The following CATSPERD variants were observed in gnomAD, a reference collection of about 807,000 sequenced individuals.
The protein encoded by CATSPERD is cation channel sperm-associated auxiliary subunit delta.
A neutral mutation model predicts 98.1 loss-of-function variants in CATSPERD; 86 were observed. The observed-to-expected ratio is 0.88, with a 90% CI of 0.74 to 1.05. The LOEUF is 1.05. CATSPERD is among the 50% of genes least tolerant of loss of function. The pLI is 0.00. For missense variants in CATSPERD, 995 were observed against 1,005.7 expected (o/e 0.99, Z 0.14); for synonymous variants, 394 against 390.2 (o/e 1.01, Z -0.12).
chr19:5,768,063 C>A (rs2056576368), intron 17 of CATSPERD, 105 bp from the exon 18 acceptor site: 1 of 958,914 alleles, frequency 1.0e-6, no homozygotes. Context: ...TCCCAAAGTG[C>A]TGGGCCTGAG....
chr19:5,727,134 G>A (rs549406839), intron 2 of CATSPERD, 134 bp from the exon 3 acceptor site: 1 of 601,994 alleles, frequency 1.7e-6, no homozygotes, highest in African/African-American at 1.9e-5. Context: ...GGCGGAGCTT[G>A]CAGTGAGCCA....
chr19:5,764,089 T>A (rs935896046), intron 16 of CATSPERD, among the ~76,000 whole-genome samples: 7 of 151,940 alleles, frequency 4.6e-5, no homozygotes, highest in Non-Finnish European at 8.8e-5. Context: ...CCTTAAGTGA[T>A]CTGCCCACCT....
chr19:5,751,932 G>T, intron 12 of CATSPERD, 109 bp downstream of exon 12: 1 of 1,049,048 alleles, frequency 9.5e-7, no homozygotes. Context: ...GGAGGCTGAG[G>T]CTGGAGGGTT....
chr19:5,770,030 A>G lies in CATSPERD; in HGVS notation c.1635-914A>G, dbSNP rs1029096880. Among the ~76,000 whole-genome samples, 44 of 150,788 alleles carry G rather than the reference A, an allele frequency of 2.9e-4. 1 individual carries two copies. Among genetic ancestry groups the G allele is most frequent in the East Asian group, 9.8e-4 (5 of 5,112 alleles). ...CTTCAACCCGGGAGGCGGAGGTTGC[A>G]GTGAGCTGAGATCACGCCACTGCAC... On this transcript the variant is annotated intron_variant, in intron 18 of 21. Coordinates refer to ENST00000381624, the MANE Select transcript of CATSPERD (RefSeq NM_152784.4).
intron 18 of CATSPERD, among the ~76,000 whole-genome samples, chr19:5,769,749 T>C (rs2056610313): frequency 6.6e-6 from 1 of 152,134 alleles, no homozygotes. Flanking sequence ...GTGGGCTGTA[T>C]TGCAAAATGC....
rs570882405 is a variant in CATSPERD, at chr19:5,744,709, T to A, written c.657+199T>A. ...TCCACCTTTCAACTTCAAGCAATTC[T>A]CCTGCCTCAGCCTCCCGAGTAGCTG... On this transcript the variant is annotated intron_variant, in intron 8 of 21. Transcript: ENST00000381624. Among the ~76,000 whole-genome samples the A allele has an allele frequency of 3.3e-5, 5 of 152,046 alleles. No homozygotes were observed. The South Asian group carries it at 1.0e-3, about 32-fold the overall frequency.
At position 5,763,273 on chromosome 19, in the gene CATSPERD, T is replaced by C; in HGVS notation, c.1486T>C (p.Cys496Arg). Reference sequence around the variant, plus strand: ...GGACATAGCAAACAAGGAAATTTCATGTGTGGATATCAAGCCACTGGTAGG... The same window carrying C: ...GGACATAGCAAACAAGGAAATTTCACGTGTGGATATCAAGCCACTGGTAGG... ...TVDIANKEIS[C>R]VDIKPLSTLI... Residue 496 changes from cysteine (C) to arginine (R), a missense_variant, in exon 16 of 22, where the codon TGT becomes CGT. Transcript: ENST00000381624. 1.2e-6 allele frequency: 2 copies of C among 1,614,002 alleles called. No homozygotes were observed. The highest frequency in any genetic ancestry group is 1.7e-6 in the Non-Finnish European group (2 of 1,179,922).
At chr19:5,762,167 G>A (rs535198845) in intron 15 of CATSPERD, among the ~76,000 whole-genome samples, 2 of 145,996 alleles carry the variant, frequency 1.4e-5, no homozygotes, top group South Asian at 2.2e-4. Context: ...GAGTTCAAGT[G>A]ATTCTTGTGT....
chr19:5,736,323 G>A (rs149402452), intron 5 of CATSPERD, among the ~76,000 whole-genome samples: 4 of 152,292 alleles, frequency 2.6e-5, no homozygotes, highest in Non-Finnish European at 5.9e-5. Flanking sequence ...TAGAGATACA[G>A]ATGCTAAAAA....
At chr19:5,721,915 G>A (rs2055489731) in intron 1 of CATSPERD, among the ~76,000 whole-genome samples, 1 of 151,690 alleles carries the variant, frequency 6.6e-6, no homozygotes, top group African/African-American at 2.4e-5. Context: ...CTTGAATTCA[G>A]GAGGTGGAGG....
chr19:5,733,494 C>T (rs1438041342), intron 4 of CATSPERD, among the ~76,000 whole-genome samples: 1 of 148,302 alleles, frequency 6.7e-6, no homozygotes, highest in Non-Finnish European at 1.5e-5. Flanking sequence ...CAGAGTTTTG[C>T]TCTTGTCACC....
chr19:5,728,759 C>T (rs1007444035), intron 3 of CATSPERD, among the ~76,000 whole-genome samples: 12 of 149,502 alleles, frequency 8.0e-5, no homozygotes, highest in South Asian at 2.1e-4. Flanking sequence ...AATGCAGTGG[C>T]GCAATCTCGG....
At chr19:5,743,667 C>CCT (rs1044844505) in intron 7 of CATSPERD, among the ~76,000 whole-genome samples, 1 of 129,168 alleles carries the variant, frequency 7.7e-6, no homozygotes, top group Non-Finnish European at 1.7e-5. Flanking sequence ...TCTCTCTCTT[C>CCT]CTCTCTCTCT....
At chr19:5,775,300 G>A (rs1599603463) in intron 20 of CATSPERD, 1 of 471,242 alleles carries the variant, frequency 2.1e-6, no homozygotes, top group Non-Finnish European at 4.4e-6. Flanking sequence ...GTGAGTAAAG[G>A]CAGTCCCTCA....
Position 5,741,791 on chromosome 19 carries a change from G to A in CATSPERD, c.573+2352G>A, listed in dbSNP as rs1247234536. ...CACTTTGGGATGCTGAAGGCGGGGG[G>A]GGGGGGGTGGTGTGGATCACTTGAG... On this transcript the variant is annotated intron_variant, in intron 7 of 21. Coordinates refer to ENST00000381624, the MANE Select transcript of CATSPERD (RefSeq NM_152784.4). Among the ~76,000 whole-genome samples, 13 of 96,606 alleles carry A rather than the reference G, an allele frequency of 1.3e-4. 5 individuals carry two copies. The highest frequency in any genetic ancestry group is 9.3e-3 in the Middle Eastern group (2 of 216). The allele number at this position is 96,606 out of a possible 152,430, so 63.4% of individuals were successfully genotyped here.
intron 5 of CATSPERD, among the ~76,000 whole-genome samples, chr19:5,735,171 T>C (rs949712047): frequency 3.3e-5 from 5 of 152,156 alleles, no homozygotes; most frequent in Non-Finnish European, 7.3e-5. Flanking sequence ...AGAGTCTCAC[T>C]CGGTCACCCA....
chr19:5,768,890 GC>G (rs1309871418), intron 18 of CATSPERD, among the ~76,000 whole-genome samples: 2 of 152,064 alleles, frequency 1.3e-5, no homozygotes, highest in Admixed American at 6.6e-5. Flanking sequence ...TTATGGCCGG[GC>G]CCGGTGGCTC....
intron 15 of CATSPERD, among the ~76,000 whole-genome samples, chr19:5,761,644 C>T (rs1008050137): frequency 2.0e-5 from 3 of 152,140 alleles, no homozygotes. Flanking sequence ...CATGTCTTCT[C>T]ATGGCGGCAG....
chr19:5,746,622 A>G (rs1289258358), intron 9 of CATSPERD, among the ~76,000 whole-genome samples: 1 of 150,884 alleles, frequency 6.6e-6, no homozygotes, highest in African/African-American at 2.4e-5. Flanking sequence ...TTTAGTAGAG[A>G]CGGGGTTTCA....
Sources: gnomAD v4.1 joint callset for allele counts (sites outside exome capture counted in the v4.1 genomes callset) on GRCh38, gnomAD v4.1.1 for gene constraint, MANE v1.5 for transcripts, NCBI Gene and HGNC (gene_info 2026-07-23, HGNC 2026-07-21) for gene names.